TLN2: variants seen among roughly 807,000 people sequenced by gnomAD.
TLN2 encodes the protein talin 2.
TLN2 carries 118 observed loss-of-function variants against 294.7 expected under a neutral mutation model. That is an observed-to-expected ratio of 0.40 (90% CI 0.34 to 0.47). The LOEUF is 0.47. Ranked by LOEUF, TLN2 falls within the 20% of genes least tolerant of loss-of-function variation. TLN2 has a pLI of 0.84. For missense variants in TLN2, 3,083 were observed against 3,282.2 expected, an observed-to-expected ratio of 0.94 and a Z score of 1.48; for synonymous variants, 1,431 against 1,304.5, an observed-to-expected ratio of 1.10 and a Z score of -2.09.
At chr15:62,489,709 G>A (rs569684846) in intron 1 of TLN2, among the ~76,000 whole-genome samples, 9 of 152,278 alleles carry the variant, frequency 5.9e-5, no homozygotes, top group South Asian at 2.1e-4. Flanking sequence ...GCATGTGATC[G>A]CAGAGACCAA....
chr15:62,666,894 CA>C (rs1405993540), intron 9 of TLN2, among the ~76,000 whole-genome samples: 1 of 152,256 alleles, frequency 6.6e-6, no homozygotes, highest in Non-Finnish European at 1.5e-5. Context: ...GGGCTTGTTA[CA>C]AGATGCCGGG....
intron 9 of TLN2, among the ~76,000 whole-genome samples, chr15:62,662,064 T>C (rs904213094): frequency 2.6e-5 from 4 of 151,758 alleles, no homozygotes; most frequent in Non-Finnish European, 5.9e-5. Context: ...AAGATCAAAA[T>C]AGAAGAAATA....
chr15:62,710,948 G>C (rs188205713), intron 21 of TLN2, among the ~76,000 whole-genome samples: 335 of 151,840 alleles, frequency 2.2e-3, no homozygotes, highest in African/African-American at 7.7e-3. Context: ...GGATGGTCTC[G>C]ATCTCCTGAC....
At chr15:62,558,164 C>G (rs565436499) in intron 1 of TLN2, among the ~76,000 whole-genome samples, 1 of 152,206 alleles carries the variant, frequency 6.6e-6, no homozygotes, top group Non-Finnish European at 1.5e-5. Flanking sequence ...TGATACTGAT[C>G]TTGTCTACAT....
At chr15:62,591,161 TACTA>T (rs1456242219) in intron 2 of TLN2, among the ~76,000 whole-genome samples, 1 of 152,238 alleles carries the variant, frequency 6.6e-6, no homozygotes, top group Non-Finnish European at 1.5e-5. Context: ...GAGAAAATAA[TACTA>T]AAAGAATAGG....
chr15:62,744,316 T>C (rs1223687785), intron 32 of TLN2, among the ~76,000 whole-genome samples: 2 of 152,148 alleles, frequency 1.3e-5, no homozygotes, highest in African/African-American at 2.4e-5. Context: ...TCTTTGTACC[T>C]TGTCTTCTCA....
In TLN2 at chr15:62,739,333, G is replaced by T. The variant is rs375686407; in HGVS notation, c.3688-15G>T. ...AGCAGAATGTCTCATGGGGTGTGCC[G>T]TCTGTTCCCCACAGCTACCTCCAAG... On this transcript the variant is annotated splice_polypyrimidine_tract_variant and intron_variant, in intron 30 of 58. Coordinates refer to ENST00000636159, the MANE Select transcript of TLN2 (RefSeq NM_015059.3). 8.1e-6 allele frequency: 13 copies of T among 1,608,868 alleles called. No homozygotes were observed. The highest frequency in any genetic ancestry group is 6.7e-5 in the African/African-American group (5 of 74,748).
intron 1 of TLN2, among the ~76,000 whole-genome samples, chr15:62,557,032 C>G (rs2042644366): frequency 6.6e-6 from 1 of 152,218 alleles, no homozygotes; most frequent in South Asian, 2.1e-4. Context: ...TCATATTTGT[C>G]TCTCCGTTGA....
At chr15:62,459,241 C>G (rs2036656206) in intron 1 of TLN2, among the ~76,000 whole-genome samples, 1 of 151,040 alleles carries the variant, frequency 6.6e-6, no homozygotes, top group East Asian at 1.9e-4. Context: ...ACCTCGTGAT[C>G]CACCTACCTT....
chr15:62,549,951 G>T (rs898264009), intron 1 of TLN2, among the ~76,000 whole-genome samples: 1 of 152,126 alleles, frequency 6.6e-6, no homozygotes, highest in South Asian at 2.1e-4. Context: ...TCAATCGATT[G>T]GGAATGTGGT....
chr15:62,471,932 C>G (rs912845754), intron 1 of TLN2, among the ~76,000 whole-genome samples: 4 of 152,180 alleles, frequency 2.6e-5, no homozygotes, highest in African/African-American at 9.7e-5. Context: ...CGCCTTTCTG[C>G]CCAGCTCGCA....
chr15:62,726,322 T>G (rs775705622), intron 27 of TLN2, among the ~76,000 whole-genome samples: 26 of 152,266 alleles, frequency 1.7e-4, no homozygotes, highest in Non-Finnish European at 3.5e-4. Flanking sequence ...GAAAACATGT[T>G]GCAAGGTTTA....
At chr15:62,491,918 A>G (rs554472030) in intron 1 of TLN2, among the ~76,000 whole-genome samples, 9 of 152,304 alleles carry the variant, frequency 5.9e-5, no homozygotes, top group Non-Finnish European at 1.3e-4. Flanking sequence ...TTATCTCACC[A>G]AGGGAAAAAA....
chr15:62,476,704 C>T (rs1356533086), intron 1 of TLN2, among the ~76,000 whole-genome samples: 2 of 152,240 alleles, frequency 1.3e-5, no homozygotes, highest in Non-Finnish European at 2.9e-5. Flanking sequence ...GTTTTGACCA[C>T]TTTCCTCTCT....
In TLN2 at chr15:62,391,692, T is replaced by G. The variant is rs568027106; in HGVS notation, c.-238+1007T>G. On this transcript the variant is annotated intron_variant, in intron 1 of 58. Transcript: ENST00000636159. Reference sequence around the variant, plus strand: ...CCGCACAAGGCGCGCACGACTGCTGTCCCCGCAAGGGCGCGCGGACTACAG... The same window carrying G: ...CCGCACAAGGCGCGCACGACTGCTGGCCCCGCAAGGGCGCGCGGACTACAG... Among the ~76,000 whole-genome samples the G allele has an allele frequency of 1.3e-4, 20 of 152,302 alleles. No individual in the cohort carries two copies. In the East Asian group the frequency reaches 1.7e-3, roughly 13 times the overall value.
At chr15:62,510,220 A>T (rs1442822590) in intron 1 of TLN2, among the ~76,000 whole-genome samples, 1 of 152,096 alleles carries the variant, frequency 6.6e-6, no homozygotes, top group Admixed American at 6.5e-5. Flanking sequence ...TTGGGTCAGC[A>T]CTGGGCACCC....
chr15:62,673,643 A>G (rs1433311470), intron 9 of TLN2, among the ~76,000 whole-genome samples, 184 bp from the exon 10 acceptor site: 2 of 149,006 alleles, frequency 1.3e-5, no homozygotes, highest in East Asian at 3.9e-4. Context: ...CTTTTCTATC[A>G]TACTAGTTTT....
intron 27 of TLN2, among the ~76,000 whole-genome samples, chr15:62,726,560 A>G (rs1056128751): frequency 1.3e-5 from 2 of 152,050 alleles, no homozygotes; most frequent in African/African-American, 2.4e-5. Flanking sequence ...CTCTATTTCT[A>G]TTGCATTTCC....
chr15:62,649,185 A>C (rs1251200094), intron 4 of TLN2, among the ~76,000 whole-genome samples: 1 of 151,992 alleles, frequency 6.6e-6, no homozygotes, highest in Non-Finnish European at 1.5e-5. Context: ...TTTCTAGATT[A>C]CTCAGAAATA....
Sources: allele counts gnomAD v4.1 joint callset (sites outside exome capture counted in the v4.1 genomes callset), GRCh38; gene constraint gnomAD v4.1.1; transcripts MANE v1.5; gene names NCBI Gene and HGNC (gene_info 2026-07-23, HGNC 2026-07-21).